The following NMNAT2 variants were observed in gnomAD, a reference collection of about 807,000 sequenced individuals.
NMNAT2 encodes the protein nicotinamide nucleotide adenylyltransferase 2, also known as nicotinamide/nicotinic acid mononucleotide adenylyltransferase 2.
Under a neutral mutation model 41.6 loss-of-function variants are expected in NMNAT2, and 11 were observed. The ratio of observed to expected loss-of-function variants is 0.26; its 90% confidence interval spans 0.17 to 0.44. NMNAT2 has a LOEUF of 0.44. Ranked by LOEUF, NMNAT2 falls within the 20% of genes least tolerant of loss-of-function variation. NMNAT2 has a pLI of 1.00. For missense variants in NMNAT2, 288 were observed against 407.7 expected, an observed-to-expected ratio of 0.71 and a Z score of 2.53; for synonymous variants, 148 against 151.2, an observed-to-expected ratio of 0.98 and a Z score of 0.16.
chr1:183,348,018 A>T (rs144631169), intron 1 of NMNAT2, among the ~76,000 whole-genome samples: 2 of 150,198 alleles, frequency 1.3e-5, no homozygotes, highest in African/African-American at 4.9e-5. Flanking sequence ...TTCCCATACC[A>T]CTCCCCCAAC....
intron 1 of NMNAT2, among the ~76,000 whole-genome samples, chr1:183,395,547 C>G (rs146375713): frequency 1.3e-5 from 2 of 152,076 alleles, no homozygotes; most frequent in East Asian, 3.9e-4. Flanking sequence ...ACTATAACAT[C>G]TGCCATCTCT....
At chr1:183,284,598 A>G (rs149602457) in intron 6 of NMNAT2, 112 bp downstream of exon 6, 12 of 905,384 alleles carry the variant, frequency 1.3e-5, no homozygotes, top group African/African-American at 3.2e-5. Context: ...CACACACACA[A>G]TCACGGGAAT....
intron 8 of NMNAT2, among the ~76,000 whole-genome samples, chr1:183,272,290 G>A (rs1356957249): frequency 6.6e-6 from 1 of 152,190 alleles, no homozygotes; most frequent in African/African-American, 2.4e-5. Context: ...AAAGGAGCAG[G>A]TCTCCTGGGA....
chr1:183,301,689 TCCTTATAGCCTG>T, intron 1 of NMNAT2, among the ~76,000 whole-genome samples: 1 of 152,264 alleles, frequency 6.6e-6, no homozygotes, highest in Non-Finnish European at 1.5e-5. Flanking sequence ...AAATCTCCCT[TCCTTATAGCCTG>T]TGCTGGATGC....
At chr1:183,358,884 C>T (rs1328732788) in intron 1 of NMNAT2, among the ~76,000 whole-genome samples, 1 of 152,204 alleles carries the variant, frequency 6.6e-6, no homozygotes, top group Non-Finnish European at 1.5e-5. Flanking sequence ...GCCAGTCCTA[C>T]TCACTCAGGC....
chr1:183,307,756 A>G (rs1662028057), intron 1 of NMNAT2, among the ~76,000 whole-genome samples: 1 of 152,028 alleles, frequency 6.6e-6, no homozygotes, highest in Non-Finnish European at 1.5e-5. Context: ...TAAGTTTTGT[A>G]TTTTTAGTGG....
chr1:183,315,464 TTG>T (rs57796667), intron 1 of NMNAT2, among the ~76,000 whole-genome samples: 13 of 150,136 alleles, frequency 8.7e-5, no homozygotes, highest in Admixed American at 1.3e-4. Context: ...GTGTGTGCGC[TTG>T]TGTGTGTGTG....
chr1:183,294,561 GGCAGGT>G (rs1661631310), intron 1 of NMNAT2, among the ~76,000 whole-genome samples: 1 of 152,222 alleles, frequency 6.6e-6, no homozygotes, highest in African/African-American at 2.4e-5. Flanking sequence ...GGGAGGCCGA[GGCAGGT>G]GGATCACAAG....
At chr1:183,391,744 C>A (rs1648487520) in intron 1 of NMNAT2, among the ~76,000 whole-genome samples, 1 of 152,192 alleles carries the variant, frequency 6.6e-6, no homozygotes, top group Non-Finnish European at 1.5e-5. Flanking sequence ...TCAAAGTGGG[C>A]TTCCACTTCA....
intron 8 of NMNAT2, among the ~76,000 whole-genome samples, chr1:183,271,777 T>C (rs760299303): frequency 3.9e-5 from 6 of 151,920 alleles, no homozygotes; most frequent in Non-Finnish European, 7.4e-5. Context: ...TTTGAGATGG[T>C]GTTTCACTCT....
intron 8 of NMNAT2, among the ~76,000 whole-genome samples, chr1:183,266,256 C>T (rs950896449): frequency 6.6e-6 from 1 of 152,200 alleles, no homozygotes; most frequent in African/African-American, 2.4e-5. Flanking sequence ...TTGCTCTGGT[C>T]TCCCTGTTAT....
intron 1 of NMNAT2, among the ~76,000 whole-genome samples, chr1:183,408,432 A>G (rs2101930591): frequency 6.6e-6 from 1 of 152,294 alleles, no homozygotes; most frequent in Non-Finnish European, 1.5e-5. Flanking sequence ...TCAACCATTT[A>G]AAAATGTAAA....
intron 1 of NMNAT2, among the ~76,000 whole-genome samples, chr1:183,347,715 CA>C (rs1278090245): frequency 6.6e-6 from 1 of 152,106 alleles, no homozygotes; most frequent in Non-Finnish European, 1.5e-5. Context: ...TTTTGAAATG[CA>C]GTAACAGCTG....
chr1:183,411,202 A>G (rs574569500), intron 1 of NMNAT2, among the ~76,000 whole-genome samples: 1 of 152,242 alleles, frequency 6.6e-6, no homozygotes, highest in African/African-American at 2.4e-5. Context: ...TTAGTTTGTT[A>G]TCTCCTCTAG....
chr1:183,388,875 G>A (rs1648339545), intron 1 of NMNAT2, among the ~76,000 whole-genome samples: 1 of 152,128 alleles, frequency 6.6e-6, no homozygotes, highest in Non-Finnish European at 1.5e-5. Context: ...GAAAAAGAAT[G>A]GGCTTTGAAG....
intron 1 of NMNAT2, among the ~76,000 whole-genome samples, chr1:183,311,732 C>T (rs1210325452): frequency 2.3e-5 from 2 of 85,906 alleles, no homozygotes; most frequent in African/African-American, 4.2e-5. Context: ...TACACACACA[C>T]ACACACACAC....
At chr1:183,307,704 A>G (rs1427558178) in intron 1 of NMNAT2, among the ~76,000 whole-genome samples, 1 of 151,998 alleles carries the variant, frequency 6.6e-6, no homozygotes, top group Non-Finnish European at 1.5e-5. Context: ...CGGCCTCCCA[A>G]AGTGCTGAGA....
chr1:183,330,776 C>CATCA (rs1331767536), intron 1 of NMNAT2, among the ~76,000 whole-genome samples: 1 of 152,214 alleles, frequency 6.6e-6, no homozygotes, highest in Non-Finnish European at 1.5e-5. Flanking sequence ...TTAATTCAAG[C>CATCA]AGAATCAGCG....
At chr1:183,318,721 C>T (rs532445129) in intron 1 of NMNAT2, among the ~76,000 whole-genome samples, 1 of 152,314 alleles carries the variant, frequency 6.6e-6, no homozygotes, top group African/African-American at 2.4e-5. Context: ...AGACACACAT[C>T]AAACAAGTCC....
Sources: gnomAD v4.1 joint callset for allele counts (sites outside exome capture counted in the v4.1 genomes callset) on GRCh38, gnomAD v4.1.1 for gene constraint, MANE v1.5 for transcripts, NCBI Gene and HGNC (gene_info 2026-07-23, HGNC 2026-07-21) for gene names.